ARHGEF16: variants seen among roughly 807,000 people sequenced by gnomAD.
ARHGEF16 encodes the protein Rho guanine exchange factor (GEF) 16.
A neutral mutation model predicts 74.1 loss-of-function variants in ARHGEF16; 59 were observed. The observed-to-expected ratio is 0.80, with a 90% CI of 0.65 to 0.99. The LOEUF is 0.99. Ranked by LOEUF, ARHGEF16 falls within the 50% of genes least tolerant of loss-of-function variation. The pLI is 0.00. For synonymous variants in ARHGEF16, 415 were observed against 412.6 expected (o/e 1.01, Z -0.07); for missense variants, 948 against 986.6 (o/e 0.96, Z 0.52).
chr1:3,464,788 C>T (rs528193682), intron 2 of ARHGEF16, among the ~76,000 whole-genome samples: 6 of 152,300 alleles, frequency 3.9e-5, no homozygotes, highest in South Asian at 2.1e-4. Context: ...GCAGTGTCCA[C>T]GGAAGGTGTG....
In ARHGEF16 at chr1:3,478,626, C is replaced by T. The variant is rs377019191; in HGVS notation, c.1814+14C>T. On this transcript the variant is annotated intron_variant, in intron 12 of 14. Coordinates refer to ENST00000378378, the MANE Select transcript of ARHGEF16 (RefSeq NM_014448.4). ...CTCGGACTCCGCGTAAGTGGGCTCC[C>T]GGGAGGGCTGTTCCCAGGCCACAGG... 65 of 1,593,434 alleles carry T rather than the reference C, an allele frequency of 4.1e-5. No homozygotes were observed. Among genetic ancestry groups the T allele is most frequent in the Middle Eastern group, 3.5e-4 (2 of 5,708 alleles).
At chr1:3,470,453 G>A (rs1006398810) in intron 6 of ARHGEF16, among the ~76,000 whole-genome samples, 3 of 151,730 alleles carry the variant, frequency 2.0e-5, no homozygotes, top group Middle Eastern at 3.4e-3. Context: ...GCATGGTTGT[G>A]TGTGCGCGGG....
chr1:3,471,471 C>A, intron 6 of ARHGEF16: 1 of 259,512 alleles, frequency 3.9e-6, no homozygotes, highest in Non-Finnish European at 6.1e-6. Flanking sequence ...GAGACAGGGG[C>A]TTCCTGTAGA....
chr1:3,477,845 G>T, intron 10 of ARHGEF16, 30 bp from the exon 11 acceptor site: 1 of 1,610,454 alleles, frequency 6.2e-7, no homozygotes, highest in Non-Finnish European at 8.5e-7. Context: ...CCCTCGCACT[G>T]ATCTCCGCCT....
chr1:3,466,179 G>A lies in ARHGEF16; in HGVS notation c.620G>A (p.Gly207Asp), dbSNP rs1174559753. Residue 207 changes from glycine to aspartate, a missense_variant, in exon 3 of 15, where the codon GGT (glycine) becomes GAT (aspartate). Coordinates refer to ENST00000378378, the MANE Select transcript of ARHGEF16 (RefSeq NM_014448.4). ...KTLGRKRGHK[G>D]SFKDDPQLYQ... Reference sequence around the variant, plus strand: ...CTGGGGAGGAAACGTGGGCACAAGGGTTCCTTCAAGGACGGTGAGTGTGGC... The same window carrying A: ...CTGGGGAGGAAACGTGGGCACAAGGATTCCTTCAAGGACGGTGAGTGTGGC... 1.3e-6 allele frequency: 2 copies of A among 1,545,498 alleles called. No individual in the cohort carries two copies. The highest frequency in any genetic ancestry group is 1.2e-5 in the South Asian group (1 of 83,088).
intron 7 of ARHGEF16, 41 bp downstream of exon 7, chr1:3,473,271 C>T: frequency 6.2e-7 from 1 of 1,602,126 alleles, no homozygotes. Flanking sequence ...GGCTCAGGAG[C>T]ATCCTGCACC....
rs186102835 is a variant in ARHGEF16 at position 3,467,866 on chromosome 1, C to T, written c.804+529C>T. On this transcript the variant is annotated intron_variant, in intron 4 of 14. Transcript: ENST00000378378. The stretch of plus-strand genomic sequence containing the variant: ...AGGTGGACCGGCATGTGACCCGCAC[C>T]CTGAGGCCCAAGGGAGGGGACCATG... Among the ~76,000 whole-genome samples the T allele has an allele frequency of 6.6e-3, 1,009 of 152,266 alleles. 14 individuals carry two copies. Among genetic ancestry groups the T allele is most frequent in the Non-Finnish European group, 5.8e-3 (391 of 67,998 alleles).
intron 2 of ARHGEF16, among the ~76,000 whole-genome samples, chr1:3,464,401 G>A (rs1358510548): frequency 4.6e-5 from 7 of 152,194 alleles, no homozygotes; most frequent in Admixed American, 2.0e-4. Flanking sequence ...GGAGAGTTGC[G>A]TGGTACCTGG....
intron 12 of ARHGEF16, among the ~76,000 whole-genome samples, chr1:3,479,243 G>T (rs779473325): frequency 1.1e-4 from 16 of 152,186 alleles, no homozygotes; most frequent in Non-Finnish European, 1.9e-4. Flanking sequence ...GCAAACGGAG[G>T]GGGCAGGGAG....
chr1:3,478,631 GGGCTGTT>G lies in ARHGEF16; in HGVS notation c.1814+20_1814+26del, dbSNP rs752130554. 11 of 1,589,972 alleles carry G rather than the reference GGGCTGTT, an allele frequency of 6.9e-6. No individual in the cohort carries two copies. Among genetic ancestry groups the G allele is most frequent in the Non-Finnish European group, 9.4e-6 (11 of 1,165,952 alleles). Reference sequence around the variant, plus strand: ...ACTCCGCGTAAGTGGGCTCCCGGGAGGGCTGTTCCCAGGCCACAGGCACATTAGCTCC... The same window carrying G: ...ACTCCGCGTAAGTGGGCTCCCGGGAGCCCAGGCCACAGGCACATTAGCTCC... On this transcript the variant is annotated intron_variant, in intron 12 of 14. Coordinates refer to ENST00000378378, the MANE Select transcript of ARHGEF16 (RefSeq NM_014448.4).
chr1:3,469,337 G>T, intron 5 of ARHGEF16, 96 bp from the exon 6 acceptor site: 2 of 1,453,074 alleles, frequency 1.4e-6, no homozygotes, highest in Non-Finnish European at 1.9e-6. Context: ...ACCTGCCCCT[G>T]CCACCCGGGT....
At chr1:3,463,734 G>A (rs950891147) in intron 2 of ARHGEF16, 62 bp downstream of exon 2, 33 of 1,290,448 alleles carry the variant, frequency 2.6e-5, no homozygotes, top group South Asian at 7.5e-5. Flanking sequence ...CGGCCTGGCC[G>A]TCTCCACCAC....
chr1:3,474,300 C>G (rs1285770496), intron 8 of ARHGEF16: 2 of 251,660 alleles, frequency 7.9e-6, no homozygotes, highest in Non-Finnish European at 1.6e-5. Context: ...CACACAGCCC[C>G]GCACATGGCA....
intron 12 of ARHGEF16, 27 bp from the exon 13 acceptor site, chr1:3,479,490 C>T (rs368981318): frequency 5.9e-4 from 952 of 1,611,376 alleles, no homozygotes; most frequent in Non-Finnish European, 7.7e-4. Context: ...GTCTCCAGGC[C>T]TGGCTCATGC....
At chr1:3,464,997 C>T (rs1034832213) in intron 2 of ARHGEF16, among the ~76,000 whole-genome samples, 4 of 152,218 alleles carry the variant, frequency 2.6e-5, no homozygotes, top group South Asian at 2.1e-4. Flanking sequence ...TCCTCGGTCA[C>T]AGCTCTCTCT....
chr1:3,480,477 G>C lies in ARHGEF16; in HGVS notation c.2020G>C (p.Gly674Arg), dbSNP rs186738663. 1 of 1,612,624 alleles carries C rather than the reference G, an allele frequency of 6.2e-7. No individual in the cohort carries two copies. Among genetic ancestry groups the C allele is most frequent in the Non-Finnish European group, 8.5e-7 (1 of 1,179,964 alleles). Residue 674 changes from glycine (G) to arginine (R), a missense_variant, in exon 15 of 15, where the codon GGA becomes CGA. Transcript: ENST00000378378. ...GCTCTATGGCGAGAGGCTCCGGGAC[G>C]GAGAGACGGGATGGTTCCCCGAGGA... ...GWLYGERLRD[G>R]ETGWFPEDFA...
intron 6 of ARHGEF16, among the ~76,000 whole-genome samples, chr1:3,471,032 G>A (rs1287442925): frequency 6.7e-6 from 1 of 149,584 alleles, no homozygotes; most frequent in Non-Finnish European, 1.5e-5. Context: ...AGGGGTGTGT[G>A]TGCGTGGGCA....
At chr1:3,461,606 A>C (rs1462886733) in intron 1 of ARHGEF16, among the ~76,000 whole-genome samples, 1 of 152,214 alleles carries the variant, frequency 6.6e-6, no homozygotes, top group Non-Finnish European at 1.5e-5. Flanking sequence ...GGGGGGTTGC[A>C]AGCAGCCCGG....
intron 1 of ARHGEF16, among the ~76,000 whole-genome samples, chr1:3,455,553 T>G (rs1317693371): frequency 6.6e-6 from 1 of 152,180 alleles, no homozygotes; most frequent in African/African-American, 2.4e-5. Context: ...GTGGGGGGAC[T>G]GAGGGAGTGG....
Sources: gnomAD v4.1 joint callset for allele counts (sites outside exome capture counted in the v4.1 genomes callset) on GRCh38, gnomAD v4.1.1 for gene constraint, MANE v1.5 for transcripts, NCBI Gene and HGNC (gene_info 2026-07-23, HGNC 2026-07-21) for gene names.